ZFP91: variants seen among roughly 807,000 people sequenced by gnomAD.
ZFP91 encodes E3 ubiquitin-protein ligase ZFP91.
In ZFP91, 7 loss-of-function variants were observed where a neutral mutation model predicts 63.5. That is an observed-to-expected ratio of 0.11 (90% confidence interval 0.06 to 0.21). The LOEUF is 0.21. Among genes scored for constraint, ZFP91 ranks in the 10% least tolerant of loss-of-function variants. The pLI is 1.00. For missense variants in ZFP91, 628 were observed against 736.6 expected, an observed-to-expected ratio of 0.85 and a Z score of 1.71; for synonymous variants, 330 against 272.1, an observed-to-expected ratio of 1.21 and a Z score of -2.10.
In ZFP91 at chr11:58,617,885, C is replaced by G. The variant is rs1410649625; in HGVS notation, c.*179C>G. The G allele has an allele frequency of 2.7e-6, 2 of 733,246 alleles. No homozygotes were observed. The highest frequency in any genetic ancestry group is 1.8e-5 in the African/African-American group (1 of 54,774). 45.4% of individuals were successfully genotyped at this position (733,246 alleles called of 1,614,324 possible). A position where few individuals can be genotyped will look rare whatever the true frequency, so the allele number is the denominator to read the frequency against. ...TCCACCTCCCCATCCCCTGTTCTCC[C>G]TCTGTTGCTCCCCTTATAAAATTGA... is the stretch of plus-strand genomic sequence containing the variant. On this transcript the variant is annotated 3_prime_UTR_variant, in exon 11 of 11. Transcript: ENST00000316059. This position sits in a 1 kb window ranked among gnomAD's most constrained non-coding sequence, Gnocchi z 4.2.
At chr11:58,581,237 A>G (rs1009974564) in intron 1 of ZFP91, among the ~76,000 whole-genome samples, 5 of 152,104 alleles carry the variant, frequency 3.3e-5, no homozygotes, top group Non-Finnish European at 7.4e-5. Context: ...TAATATTACT[A>G]TTCGTAGAGA....
chr11:58,593,136 A>G (rs1203313817), intron 2 of ZFP91, among the ~76,000 whole-genome samples: 1 of 152,224 alleles, frequency 6.6e-6, no homozygotes, highest in Non-Finnish European at 1.5e-5. Flanking sequence ...TTTGAAGAGG[A>G]CAAACATCCA....
intron 9 of ZFP91, 34 bp from the exon 10 acceptor site, chr11:58,616,682 A>G (rs1312442016): frequency 6.3e-7 from 1 of 1,586,160 alleles, no homozygotes. Flanking sequence ...CAGGGTATCT[A>G]AATAGAACAC....
At chr11:58,587,600 G>T (rs1855233424) in intron 2 of ZFP91, among the ~76,000 whole-genome samples, 1 of 152,142 alleles carries the variant, frequency 6.6e-6, no homozygotes, top group South Asian at 2.1e-4. Flanking sequence ...CTTAAGGGAT[G>T]GAGATCTAGT....
chr11:58,598,707 T>C (rs1855443808), intron 2 of ZFP91, among the ~76,000 whole-genome samples: 1 of 151,922 alleles, frequency 6.6e-6, no homozygotes, highest in South Asian at 2.1e-4. Context: ...TGTCCTTCAG[T>C]TGTCAATTTC....
chr11:58,579,682 C>T, intron 1 of ZFP91, 60 bp downstream of exon 1: 1 of 1,429,784 alleles, frequency 7.0e-7, no homozygotes, highest in African/African-American at 1.5e-5. Flanking sequence ...GCAACCCTCT[C>T]GGCTCCCGTA....
At chr11:58,580,991 T>A (rs1855104099) in intron 1 of ZFP91, among the ~76,000 whole-genome samples, 1 of 152,216 alleles carries the variant, frequency 6.6e-6, no homozygotes, top group Admixed American at 6.5e-5. Flanking sequence ...TGGATATGAA[T>A]TCCGTGAGCA....
chr11:58,599,064 A>G (rs1855452031), intron 2 of ZFP91, among the ~76,000 whole-genome samples: 1 of 152,198 alleles, frequency 6.6e-6, no homozygotes, highest in African/African-American at 2.4e-5. Context: ...TATGTGCAAT[A>G]TGTGACTTTT....
intron 4 of ZFP91, 98 bp from the exon 5 acceptor site, chr11:58,610,852 A>G: frequency 1.0e-6 from 1 of 999,334 alleles, no homozygotes; most frequent in East Asian, 2.6e-5. Flanking sequence ...AGATGACTTT[A>G]TCAGTGTTTG....
chr11:58,612,984 C>G, intron 8 of ZFP91, 144 bp downstream of exon 8: 2 of 703,314 alleles, frequency 2.8e-6, no homozygotes, highest in East Asian at 2.8e-5. Flanking sequence ...CATAAAATGA[C>G]TTTAACCCAT....
rs1164629889 is a variant in ZFP91, at chr11:58,620,035, A to G, written c.*2329A>G. ...TTTTTAAAAATCTTTCTGAGATGGGAGAAAATGTATTCTCCTTTCCTATAC... is the reference window on the plus strand; with the variant it reads ...TTTTTAAAAATCTTTCTGAGATGGGGGAAAATGTATTCTCCTTTCCTATAC... On this transcript the variant is annotated 3_prime_UTR_variant, in exon 11 of 11. Coordinates refer to ENST00000316059, the MANE Select transcript of ZFP91 (RefSeq NM_053023.5). 1 of 152,192 alleles carries G rather than the reference A, an allele frequency of 6.6e-6. No homozygotes were observed. Among genetic ancestry groups the G allele is most frequent in the Non-Finnish European group, 1.5e-5 (1 of 68,030 alleles). 9.4% of individuals were successfully genotyped at this position (152,192 alleles called of 1,614,324 possible). A position where few individuals can be genotyped will look rare whatever the true frequency, so the allele number is the denominator to read the frequency against.
intron 6 of ZFP91, 88 bp from the exon 7 acceptor site, chr11:58,612,190 C>A: frequency 8.4e-7 from 1 of 1,193,552 alleles, no homozygotes; most frequent in Non-Finnish European, 1.2e-6. Flanking sequence ...GTTCTTTGGC[C>A]GTGTGTGTGT....
Position 58,617,259 on chromosome 11 carries a change from T to C in ZFP91, c.1266T>C (p.His422=), listed in dbSNP as rs778918521. The change falls in exon 11 of 11, where the codon CAT becomes CAC. Residue 422 remains histidine, a synonymous_variant. Coordinates refer to ENST00000316059, the MANE Select transcript of ZFP91 (RefSeq NM_053023.5). The surrounding 1 kb of genome is among the most constrained non-coding windows in gnomAD (Gnocchi z 4.2). ...KASLNWHMKK[H]DADSFYQFSC... ...CTCTTAATTGGCACATGAAGAAACA[T>C]GATGCAGACTCCTTCTACCAGTTTT... 6.2e-7 allele frequency: 1 copy of C among 1,613,308 alleles called. No homozygotes were observed.
chr11:58,611,111 T>G (rs758624125), intron 5 of ZFP91, 57 bp downstream of exon 5: 13 of 1,479,844 alleles, frequency 8.8e-6, no homozygotes, highest in Non-Finnish European at 1.2e-5. Flanking sequence ...GAAAGCACTG[T>G]TGCATGCTTT....
intron 6 of ZFP91, 81 bp downstream of exon 6, chr11:58,611,819 A>G: frequency 6.7e-7 from 1 of 1,485,440 alleles, no homozygotes; most frequent in African/African-American, 1.4e-5. Flanking sequence ...GTGAGGAAGG[A>G]TGTTGACGTA....
At chr11:58,585,619 C>G (rs149043804) in intron 2 of ZFP91, among the ~76,000 whole-genome samples, 1 of 152,244 alleles carries the variant, frequency 6.6e-6, no homozygotes, top group African/African-American at 2.4e-5. Flanking sequence ...CTTGACACAG[C>G]CAGTTTCCAA....
At chr11:58,593,853 A>G (rs1218076302) in intron 2 of ZFP91, among the ~76,000 whole-genome samples, 1 of 152,162 alleles carries the variant, frequency 6.6e-6, no homozygotes, top group Non-Finnish European at 1.5e-5. Flanking sequence ...TAGAATCCCA[A>G]ATCCTTGGCA....
Position 58,617,180 on chromosome 11 carries a change from T to C in ZFP91, c.1203-16T>C. The C allele has an allele frequency of 6.4e-7, 1 of 1,550,862 alleles. No homozygotes were observed. Among genetic ancestry groups the C allele is most frequent in the Non-Finnish European group, 8.7e-7 (1 of 1,152,834 alleles). On this transcript the variant is annotated splice_polypyrimidine_tract_variant and intron_variant, in intron 10 of 10. Coordinates refer to ENST00000316059, the MANE Select transcript of ZFP91 (RefSeq NM_053023.5). The surrounding 1 kb of genome is among the most constrained non-coding windows in gnomAD (Gnocchi z 4.2). ...TTCTCTGTTGGATCAGCCATTTCCT[T>C]TTCTCCTCTCCTTAGATGTGAGATC...
At chr11:58,611,183 C>T (rs1341897637) in intron 5 of ZFP91, 129 bp downstream of exon 5, 2 of 695,126 alleles carry the variant, frequency 2.9e-6, no homozygotes, top group South Asian at 2.3e-5. Context: ...ATTAATTATG[C>T]ACTTCTTTTG....
Sources: allele counts gnomAD v4.1 joint callset (sites outside exome capture counted in the v4.1 genomes callset), GRCh38; gene constraint gnomAD v4.1.1; non-coding constraint Gnocchi (gnomAD v3.1); transcripts MANE v1.5; gene names NCBI Gene and HGNC (gene_info 2026-07-23, HGNC 2026-07-21).